The following ZNF438 variants were observed in gnomAD, a reference collection of about 807,000 sequenced individuals.
ZNF438 encodes the protein zinc finger protein 438.
A neutral mutation model predicts 38.0 loss-of-function variants in ZNF438; 25 were observed. The observed-to-expected ratio is 0.66, with a 90% CI of 0.48 to 0.92. ZNF438 has a LOEUF of 0.92. ZNF438 is among the 40% of genes least tolerant of loss of function. The probability of loss-of-function intolerance (pLI) is 0.00; values close to 1 mark genes in which losing one functional copy is unlikely to be tolerated. For synonymous variants in ZNF438, 372 were observed against 364.1 expected, an observed-to-expected ratio of 1.02 and a Z score of -0.25; for missense variants, 1,007 against 999.6, an observed-to-expected ratio of 1.01 and a Z score of -0.10.
At chr10:30,947,603 G>C (rs999495574) in intron 1 of ZNF438, among the ~76,000 whole-genome samples, 1 of 152,276 alleles carries the variant, frequency 6.6e-6, no homozygotes, top group Non-Finnish European at 1.5e-5. Context: ...CCTGGGCAAT[G>C]GCGGGTGCCC....
At chr10:30,901,920 TGTGA>T (rs556441198) in intron 3 of ZNF438, among the ~76,000 whole-genome samples, 220 of 152,210 alleles carry the variant, frequency 1.4e-3, no homozygotes, top group African/African-American at 5.1e-3. Context: ...AGACTTTCGC[TGTGA>T]GTGTTACAGC....
intron 1 of ZNF438, among the ~76,000 whole-genome samples, chr10:31,030,315 T>TGCAC (rs1169236373): frequency 6.6e-6 from 1 of 152,220 alleles, no homozygotes; most frequent in African/African-American, 2.4e-5. Context: ...AATTACATTA[T>TGCAC]GCACGTATTG....
intron 3 of ZNF438, among the ~76,000 whole-genome samples, chr10:30,887,994 C>T (rs186618449): frequency 4.6e-5 from 7 of 152,204 alleles, no homozygotes; most frequent in Admixed American, 3.9e-4. Context: ...GAATCATATT[C>T]CATTATATGA....
At chr10:30,946,696 A>G (rs1564703465) in intron 1 of ZNF438, among the ~76,000 whole-genome samples, 1 of 152,246 alleles carries the variant, frequency 6.6e-6, no homozygotes, top group Non-Finnish European at 1.5e-5. Flanking sequence ...TCTTTAGAAT[A>G]TTTAGATCAT....
intron 3 of ZNF438, among the ~76,000 whole-genome samples, chr10:30,895,029 C>T (rs2041152625): frequency 6.6e-6 from 1 of 152,204 alleles, no homozygotes; most frequent in Admixed American, 6.5e-5. Context: ...TGTTAGCAGA[C>T]TATGAGGCAT....
At position 30,850,089 on chromosome 10, in the gene ZNF438, T is replaced by C. The variant is rs760081782; in HGVS notation, c.316A>G (p.Ile106Val). ...GGTAGGGACATTCTGGGTTTCTGAA[T>C]TGGCTGAGCTGAGGCAACATGTGGC... The change falls in exon 5 of 6, where the codon ATT becomes GTT. Residue 106 changes from isoleucine to valine, a missense_variant. Transcript: ENST00000413025. The C allele has an allele frequency of 5.0e-6, 8 of 1,614,020 alleles. No homozygotes were observed. The highest frequency in any genetic ancestry group is 2.2e-5 in the East Asian group (1 of 44,898).
chr10:30,859,540 T>C (rs1274287216), intron 4 of ZNF438, among the ~76,000 whole-genome samples: 1 of 152,180 alleles, frequency 6.6e-6, no homozygotes, highest in Non-Finnish European at 1.5e-5. Context: ...ACTGTGTGTT[T>C]TGGGGTTTAG....
intron 3 of ZNF438, among the ~76,000 whole-genome samples, chr10:30,903,779 G>T (rs2042298949): frequency 6.6e-6 from 1 of 152,114 alleles, no homozygotes; most frequent in Non-Finnish European, 1.5e-5. Flanking sequence ...CTACTTTTTT[G>T]TCCCTGTATC....
intron 2 of ZNF438, chr10:30,923,449 T>A (rs1691393972): frequency 1.3e-5 from 2 of 152,242 alleles, no homozygotes. Context: ...ATAATTAAAC[T>A]ATAATTACTA....
At chr10:30,868,075 T>TC (rs1477589185) in intron 4 of ZNF438, among the ~76,000 whole-genome samples, 11 of 151,032 alleles carry the variant, frequency 7.3e-5, no homozygotes, top group Admixed American at 2.0e-4. Flanking sequence ...TTTAAAGAAT[T>TC]TTTTTTTTTT....
intron 3 of ZNF438, among the ~76,000 whole-genome samples, chr10:30,903,068 A>G (rs1177391011): frequency 6.6e-6 from 1 of 152,142 alleles, no homozygotes; most frequent in African/African-American, 2.4e-5. Context: ...CTGGGCTGGC[A>G]GGGCCGGCCA....
chr10:30,949,476 A>C (rs1354149019), intron 1 of ZNF438, among the ~76,000 whole-genome samples: 3 of 152,250 alleles, frequency 2.0e-5, no homozygotes, highest in Non-Finnish European at 4.4e-5. Context: ...AAGGGTCAAG[A>C]CCCATCAGTG....
chr10:30,872,811 G>A (rs866745518), intron 4 of ZNF438, among the ~76,000 whole-genome samples: 4 of 147,556 alleles, frequency 2.7e-5, no homozygotes, highest in African/African-American at 7.5e-5. Context: ...CTTAAATGAA[G>A]ATTCCTTCCT....
intron 3 of ZNF438, among the ~76,000 whole-genome samples, chr10:30,901,087 C>G (rs943387994): frequency 6.6e-6 from 1 of 152,172 alleles, no homozygotes; most frequent in Admixed American, 6.5e-5. Flanking sequence ...TTGCCCATTA[C>G]TGATACATTA....
At chr10:30,990,970 T>C (rs1387703560) in intron 1 of ZNF438, among the ~76,000 whole-genome samples, 1 of 152,158 alleles carries the variant, frequency 6.6e-6, no homozygotes, top group African/African-American at 2.4e-5. Flanking sequence ...AAAAAAATTG[T>C]TTAAAACAAC....
At chr10:31,019,269 G>A (rs2056423053) in intron 1 of ZNF438, among the ~76,000 whole-genome samples, 1 of 152,132 alleles carries the variant, frequency 6.6e-6, no homozygotes, top group Non-Finnish European at 1.5e-5. Context: ...CACACAATGT[G>A]CCCCTTCATT....
intron 2 of ZNF438, among the ~76,000 whole-genome samples, chr10:30,916,469 C>T (rs928152962): frequency 6.6e-6 from 1 of 151,940 alleles, no homozygotes. Flanking sequence ...CCCTTTATGG[C>T]CTTTCCCATT....
intron 4 of ZNF438, among the ~76,000 whole-genome samples, chr10:30,868,842 C>T (rs2036906852): frequency 6.6e-6 from 1 of 152,220 alleles, no homozygotes; most frequent in South Asian, 2.1e-4. Context: ...TTGTGTCCCA[C>T]AGTGAAATGT....
chr10:31,021,377 G>A (rs1458725621), intron 1 of ZNF438, among the ~76,000 whole-genome samples: 2 of 151,922 alleles, frequency 1.3e-5, no homozygotes, highest in Non-Finnish European at 2.9e-5. Flanking sequence ...AGAGTAAATA[G>A]TTATAGATAG....
Sources: gnomAD v4.1 joint callset for allele counts (sites outside exome capture counted in the v4.1 genomes callset) on GRCh38, gnomAD v4.1.1 for gene constraint, MANE v1.5 for transcripts, NCBI Gene and HGNC (gene_info 2026-07-23, HGNC 2026-07-21) for gene names.